The following MICALL1 variants were observed in gnomAD, a reference collection of about 807,000 sequenced individuals.
The protein encoded by MICALL1 is MICAL-like protein 1.
Under a neutral mutation model 83.7 loss-of-function variants are expected in MICALL1, and 61 were observed. The ratio of observed to expected loss-of-function variants is 0.73; its 90% CI spans 0.59 to 0.90. The LOEUF (loss-of-function observed/expected upper bound fraction) is 0.90. Among genes scored for constraint, MICALL1 ranks in the 40% least tolerant of loss-of-function variants. The pLI, the probability that MICALL1 is intolerant of heterozygous loss-of-function variation, is 0.00. For missense variants in MICALL1, 1,066 were observed against 1,152.0 expected, an observed-to-expected ratio of 0.93 and a Z score of 1.08; for synonymous variants, 481 against 473.6, an observed-to-expected ratio of 1.02 and a Z score of -0.20.
intron 5 of MICALL1, 128 bp downstream of exon 5, chr22:37,919,306 C>A: frequency 8.4e-7 from 1 of 1,190,950 alleles, no homozygotes; most frequent in Non-Finnish European, 1.1e-6. Flanking sequence ...CCCCATTTTA[C>A]TGATGAGCAA....
chr22:37,929,524 C>T (rs1338643701), intron 9 of MICALL1, among the ~76,000 whole-genome samples: 8 of 152,182 alleles, frequency 5.3e-5, no homozygotes, highest in African/African-American at 1.7e-4. Flanking sequence ...GGAGAGCAGA[C>T]GTGGCCCTAT....
At position 37,940,696 on chromosome 22, in the gene MICALL1, C is replaced by A. The variant is rs756235915; in HGVS notation, c.2471-13C>A. Reference sequence around the variant, plus strand: ...TCTCCACTTTATTAAGTGCTCCCCTCTCTGTGCTGCAGAGTTCCAGAGGGA... The same window carrying A: ...TCTCCACTTTATTAAGTGCTCCCCTATCTGTGCTGCAGAGTTCCAGAGGGA... On this transcript the variant is annotated splice_polypyrimidine_tract_variant and intron_variant, in intron 15 of 15. Coordinates refer to ENST00000215957, the MANE Select transcript of MICALL1 (RefSeq NM_033386.4). 17 of 1,613,524 alleles carry A rather than the reference C, an allele frequency of 1.1e-5. No homozygotes were observed. The South Asian group carries it at 1.5e-4, about 15-fold the overall frequency.
chr22:37,925,565 C>T, intron 7 of MICALL1, 96 bp from the exon 8 acceptor site: 3 of 776,278 alleles, frequency 3.9e-6, no homozygotes, highest in Non-Finnish European at 6.3e-6. Context: ...CGTTTCTCAT[C>T]CACCCCCTTT....
At chr22:37,927,313 G>C in intron 8 of MICALL1, 98 bp from the exon 9 acceptor site, 2 of 1,358,604 alleles carry the variant, frequency 1.5e-6, no homozygotes, top group Non-Finnish European at 1.9e-6. Flanking sequence ...TGGGTTTCTG[G>C]GGCTGCCTGC....
chr22:37,940,667 C>G, intron 15 of MICALL1, 42 bp from the exon 16 acceptor site: 1 of 1,609,656 alleles, frequency 6.2e-7, no homozygotes, highest in Admixed American at 1.7e-5. Context: ...GGATGTACCC[C>G]TCTTCTCCAC....
At chr22:37,929,327 C>T (rs1929662983) in intron 9 of MICALL1, among the ~76,000 whole-genome samples, 1 of 152,058 alleles carries the variant, frequency 6.6e-6, no homozygotes, top group South Asian at 2.1e-4. Context: ...CTCCACAGGT[C>T]ATGTGGACAT....
chr22:37,927,462 C>T lies in MICALL1; in HGVS notation c.1517C>T (p.Ser506Leu), dbSNP rs1006475452. The T allele has an allele frequency of 1.9e-5, 30 of 1,605,556 alleles. No homozygotes were observed. The highest frequency in any genetic ancestry group is 2.2e-5 in the East Asian group (1 of 44,632). Residue 506 changes from serine to leucine, a missense_variant, in exon 9 of 16, where the codon TCG (serine) becomes TTG (leucine). Transcript: ENST00000215957. ...TCGGAGCCGCCCTCGGCCACACCAT[C>T]GCCAGCGCTCAGCGTGGAGAGCCTG... Reference protein sequence around the residue: ...SHSEPPSATPSPALSVESLSS... With the variant: ...SHSEPPSATPLPALSVESLSS...
intron 5 of MICALL1, among the ~76,000 whole-genome samples, chr22:37,919,562 G>A (rs1928892202): frequency 6.7e-6 from 1 of 149,696 alleles, no homozygotes; most frequent in Admixed American, 6.7e-5. Flanking sequence ...CTCAAACCCG[G>A]GAGGCAGAGG....
chr22:37,916,866 A>G (rs1015949678), intron 3 of MICALL1, among the ~76,000 whole-genome samples: 1 of 151,982 alleles, frequency 6.6e-6, no homozygotes, highest in African/African-American at 2.4e-5. Context: ...GTGTTATTGA[A>G]TTTATTTCTT....
intron 13 of MICALL1, among the ~76,000 whole-genome samples, chr22:37,934,724 G>C (rs527819411): frequency 1.0e-4 from 15 of 150,188 alleles, no homozygotes; most frequent in Non-Finnish European, 1.9e-4. Context: ...AGCCTCCCAA[G>C]TAACTGGGAC....
intron 15 of MICALL1, among the ~76,000 whole-genome samples, chr22:37,938,293 T>C (rs150189500): frequency 3.3e-5 from 5 of 151,294 alleles, no homozygotes; most frequent in African/African-American, 9.7e-5. Flanking sequence ...TCCCAGCTAC[T>C]CGGGAGGCTG....
intron 15 of MICALL1, 30 bp from the exon 16 acceptor site, chr22:37,940,679 T>G: frequency 2.5e-6 from 4 of 1,610,160 alleles, no homozygotes; most frequent in Non-Finnish European, 3.4e-6. Context: ...CTTCTCCACT[T>G]TATTAAGTGC....
intron 14 of MICALL1, 122 bp downstream of exon 14, chr22:37,937,316 G>A: frequency 2.6e-6 from 2 of 772,358 alleles, no homozygotes; most frequent in Non-Finnish European, 4.1e-6. Context: ...GGCCAGGCCA[G>A]CCCTGCCCTC....
At chr22:37,937,010 G>A in intron 13 of MICALL1, 70 bp from the exon 14 acceptor site, 1 of 1,332,800 alleles carries the variant, frequency 7.5e-7, no homozygotes, top group Non-Finnish European at 1.0e-6. Flanking sequence ...TTAGGCAGTG[G>A]CTCCTGGTGG....
Position 37,930,419 on chromosome 22 carries a change from C to A in MICALL1, c.1882-1380C>A, listed in dbSNP as rs2145934593. On this transcript the variant is annotated intron_variant, in intron 9 of 15. Coordinates refer to ENST00000215957, the MANE Select transcript of MICALL1 (RefSeq NM_033386.4). The surrounding 1 kb of genome is among the most constrained non-coding windows in gnomAD (Gnocchi z 4.8). Reference sequence around the variant, plus strand: ...TGTGCCCAGACCTGGGCCCCAGCACCCTCCCTGCTTCAGAAACCCCAGAGC... The same window carrying A: ...TGTGCCCAGACCTGGGCCCCAGCACACTCCCTGCTTCAGAAACCCCAGAGC... 6.6e-6 allele frequency among the ~76,000 whole-genome samples: 1 copy of A among 152,272 alleles called. No homozygotes were observed. The highest frequency in any genetic ancestry group is 1.9e-4 in the East Asian group (1 of 5,152).
intron 1 of MICALL1, among the ~76,000 whole-genome samples, chr22:37,910,891 C>A (rs79365875): frequency 6.6e-6 from 1 of 152,244 alleles, no homozygotes; most frequent in Non-Finnish European, 1.5e-5. Context: ...CTGATCCCCC[C>A]AACCCCATGG....
chr22:37,914,862 G>A (rs1928577920), intron 3 of MICALL1, among the ~76,000 whole-genome samples: 2 of 150,616 alleles, frequency 1.3e-5, no homozygotes, highest in Admixed American at 6.6e-5. Context: ...GGTTGGTCTT[G>A]AACTCCTAAG....
chr22:37,933,920 G>A (rs1167890740), intron 13 of MICALL1, among the ~76,000 whole-genome samples: 1 of 152,226 alleles, frequency 6.6e-6, no homozygotes, highest in Non-Finnish European at 1.5e-5. Context: ...AGCCCCTCCA[G>A]ACTGTGGGGA....
rs546453549 is a variant in MICALL1 at position 37,935,067 on chromosome 22, G to A, written c.2308+1955G>A. ...CCTGCCTCAGCCTCCCTAGTAGCTG[G>A]GACTACAGGCACCTGCCACCCCGCC... is the stretch of plus-strand genomic sequence containing the variant. On this transcript the variant is annotated intron_variant, in intron 13 of 15. Transcript: ENST00000215957. Among the ~76,000 whole-genome samples, 45 of 149,258 alleles carry A rather than the reference G, an allele frequency of 3.0e-4. No individual in the cohort carries two copies. In the South Asian group the frequency reaches 7.0e-3, roughly 23 times the overall value.
Sources: allele counts gnomAD v4.1 joint callset (sites outside exome capture counted in the v4.1 genomes callset), GRCh38; gene constraint gnomAD v4.1.1; non-coding constraint Gnocchi (gnomAD v3.1); transcripts MANE v1.5; gene names NCBI Gene and HGNC (gene_info 2026-07-23, HGNC 2026-07-21).